The following TIAM1 variants were observed in gnomAD, a reference collection of about 807,000 sequenced individuals.
TIAM1 encodes TIAM Rac1 associated GEF 1, also known as rho guanine nucleotide exchange factor TIAM1.
A neutral mutation model predicts 163.5 loss-of-function variants in TIAM1; 65 were observed. The observed-to-expected ratio is 0.40, with a 90% CI of 0.33 to 0.49. TIAM1 has a LOEUF of 0.49. Among genes scored for constraint, TIAM1 ranks in the 20% least tolerant of loss-of-function variants. TIAM1 has a pLI of 0.77. For missense variants in TIAM1, 1,789 were observed against 2,044.7 expected (o/e 0.87, Z 2.41); for synonymous variants, 833 against 810.1 (o/e 1.03, Z -0.48).
At position 31,401,850 on chromosome 21, in the gene TIAM1, G is replaced by A. The variant is rs538143679; in HGVS notation, c.-369+62133C>T. On this transcript the variant is annotated intron_variant, in intron 2 of 28. Coordinates refer to the TIAM1 transcript ENST00000286827. ...TGCTTGAACCCAGAAGTTCGAGGTT[G>A]CAGTTAGCTAGAACCGCACTACTGC... Among the ~76,000 whole-genome samples the A allele has an allele frequency of 2.6e-5, 4 of 151,874 alleles. No individual in the cohort carries two copies. In the South Asian group the frequency reaches 8.3e-4, roughly 32 times the overall value.
intron 2 of TIAM1, among the ~76,000 whole-genome samples, chr21:31,373,086 A>C (rs187560366): frequency 6.6e-6 from 1 of 151,770 alleles, no homozygotes; most frequent in Non-Finnish European, 1.5e-5. Flanking sequence ...AAAGAAAAGA[A>C]AAAGAAAGAA....
intron 2 of TIAM1, among the ~76,000 whole-genome samples, chr21:31,303,399 C>A (rs1221344218): frequency 6.6e-6 from 1 of 152,170 alleles, no homozygotes; most frequent in Admixed American, 6.6e-5. Context: ...TTCATTAACT[C>A]ATTTTAAATG....
At chr21:31,294,534 AGTTAAT>A (rs1368830086) in intron 2 of TIAM1, among the ~76,000 whole-genome samples, 7 of 152,232 alleles carry the variant, frequency 4.6e-5, no homozygotes, top group Admixed American at 2.0e-4. Flanking sequence ...CGGGAAAATC[AGTTAAT>A]TTCTCTGTGG....
intron 15 of TIAM1, among the ~76,000 whole-genome samples, chr21:31,172,800 A>C (rs994045224): frequency 6.6e-6 from 1 of 152,092 alleles, no homozygotes; most frequent in African/African-American, 2.4e-5. Flanking sequence ...CCAGGAGTTC[A>C]AGGCTGCAGT....
chr21:31,178,414 C>T (rs779926896), intron 15 of TIAM1, among the ~76,000 whole-genome samples: 7 of 139,430 alleles, frequency 5.0e-5, no homozygotes, highest in Non-Finnish European at 1.1e-4. Flanking sequence ...TCACGCCATT[C>T]TCCTGCCTCA....
At chr21:31,520,801 G>C (rs535077574) in intron 1 of TIAM1, among the ~76,000 whole-genome samples, 69 of 152,290 alleles carry the variant, frequency 4.5e-4, no homozygotes, top group African/African-American at 1.5e-3. Context: ...TTAAGCTGTG[G>C]GCCAGGAGGC....
intron 4 of TIAM1, among the ~76,000 whole-genome samples, chr21:31,265,785 C>G (rs867815722): frequency 6.6e-6 from 1 of 152,162 alleles, no homozygotes; most frequent in Admixed American, 6.5e-5. Flanking sequence ...CACATCGCCA[C>G]TCCCCCCACA....
chr21:31,294,799 T>C (rs955683283), intron 2 of TIAM1, among the ~76,000 whole-genome samples: 1 of 152,204 alleles, frequency 6.6e-6, no homozygotes, highest in Non-Finnish European at 1.5e-5. Flanking sequence ...ATCAGCCTTC[T>C]GGTTCTGCGG....
intron 2 of TIAM1, among the ~76,000 whole-genome samples, chr21:31,455,079 G>A (rs538584063): frequency 1.9e-4 from 29 of 152,040 alleles, no homozygotes; most frequent in African/African-American, 6.5e-4. Flanking sequence ...TCAGGAGTTC[G>A]AGACCAGCCT....
intron 1 of TIAM1, among the ~76,000 whole-genome samples, chr21:31,519,879 G>A (rs973180789): frequency 6.6e-6 from 1 of 152,198 alleles, no homozygotes; most frequent in Non-Finnish European, 1.5e-5. Context: ...GAATGGCGGT[G>A]CCAGGGCCTG....
chr21:31,372,548 T>A (rs77290182), intron 2 of TIAM1, among the ~76,000 whole-genome samples: 85 of 152,030 alleles, frequency 5.6e-4, no homozygotes, highest in African/African-American at 1.6e-3. Context: ...AGGGCCAAAG[T>A]TGAAACTGAG....
At chr21:31,199,637 TCTC>T (rs2086089668) in intron 12 of TIAM1, among the ~76,000 whole-genome samples, 1 of 151,814 alleles carries the variant, frequency 6.6e-6, no homozygotes, top group African/African-American at 2.4e-5. Context: ...TTCAAGCAAT[TCTC>T]CTGCCTCAGC....
intron 1 of TIAM1, among the ~76,000 whole-genome samples, chr21:31,554,412 T>C (rs1386426567): frequency 6.6e-6 from 1 of 152,190 alleles, no homozygotes; most frequent in Non-Finnish European, 1.5e-5. Flanking sequence ...TTCATCTTTC[T>C]TTCATGAATT....
chr21:31,418,872 T>C (rs939493209), intron 2 of TIAM1, among the ~76,000 whole-genome samples: 3 of 152,206 alleles, frequency 2.0e-5, no homozygotes, highest in African/African-American at 7.2e-5. Context: ...ACCGTTTCTT[T>C]TACTGCAGTT....
intron 2 of TIAM1, among the ~76,000 whole-genome samples, chr21:31,377,202 TAA>T (rs1404405526): frequency 1.0e-5 from 1 of 96,422 alleles, no homozygotes. Flanking sequence ...TTTTTTTTTT[TAA>T]GATAGATTTA....
Position 31,361,190 on chromosome 21 carries a change from G to A in TIAM1, c.-368-21768C>T, listed in dbSNP as rs183570242. On this transcript the variant is annotated intron_variant, in intron 2 of 28. Coordinates refer to the TIAM1 transcript ENST00000286827. ...ACCATGAAATTGTATAATAATTAAA[G>A]TGTACAAACTAGAGCTACACCCAAG... Among the ~76,000 whole-genome samples the A allele has an allele frequency of 2.0e-5, 3 of 152,250 alleles. No individual in the cohort carries two copies. In the East Asian group the frequency reaches 5.8e-4, roughly 29 times the overall value.
chr21:31,310,167 T>G (rs2074870164), intron 2 of TIAM1, among the ~76,000 whole-genome samples: 1 of 152,114 alleles, frequency 6.6e-6, no homozygotes. Context: ...TTCAGGCCAG[T>G]GAAATGTGGG....
intron 16 of TIAM1, among the ~76,000 whole-genome samples, chr21:31,161,263 A>G (rs2083909559): frequency 6.6e-6 from 1 of 152,178 alleles, no homozygotes; most frequent in South Asian, 2.1e-4. Flanking sequence ...GGAATGCATG[A>G]CACATGACCG....
intron 4 of TIAM1, among the ~76,000 whole-genome samples, chr21:31,261,864 C>T (rs1269677921): frequency 2.0e-5 from 3 of 152,130 alleles, no homozygotes; most frequent in East Asian, 3.9e-4. Context: ...CTCCGAGAGC[C>T]GGGCTCCTTG....
Sources: gnomAD v4.1 joint callset for allele counts (sites outside exome capture counted in the v4.1 genomes callset) on GRCh38, gnomAD v4.1.1 for gene constraint, MANE v1.5 for transcripts, NCBI Gene and HGNC (gene_info 2026-07-23, HGNC 2026-07-21) for gene names.